OGFOD1: variants seen among roughly 807,000 people sequenced by gnomAD.
The protein encoded by OGFOD1 is 2-oxoglutarate and iron dependent oxygenase domain containing 1.
In OGFOD1, 54 loss-of-function variants were observed where a neutral mutation model predicts 67.7. The observed-to-expected ratio is 0.80, with a 90% CI of 0.64 to 1.00. The LOEUF is 1.00. OGFOD1 is among the 50% of genes least tolerant of loss of function. The probability of loss-of-function intolerance (pLI) is 0.00; values close to 1 mark genes in which losing one functional copy is unlikely to be tolerated. For synonymous variants in OGFOD1, 221 were observed against 227.0 expected (o/e 0.97, Z 0.24); for missense variants, 606 against 646.7 (o/e 0.94, Z 0.68).
At chr16:56,474,986 C>A in intron 11 of OGFOD1, 36 bp downstream of exon 11, 2 of 1,608,096 alleles carry the variant, frequency 1.2e-6, no homozygotes, top group South Asian at 2.2e-5. Flanking sequence ...GATTATTCCC[C>A]GTAGGAGGGG....
chr16:56,470,139 T>C, intron 9 of OGFOD1, 57 bp downstream of exon 9: 1 of 1,454,690 alleles, frequency 6.9e-7, no homozygotes. Flanking sequence ...AACATTTTTT[T>C]ATAACTAGTA....
At chr16:56,465,894 AGAT>A (rs1198307346) in intron 4 of OGFOD1, 17 of 319,364 alleles carry the variant, frequency 5.3e-5, no homozygotes, top group South Asian at 2.8e-4. Flanking sequence ...AAATACTGGA[AGAT>A]GATATGTAAA....
At chr16:56,475,446 G>C in intron 11 of OGFOD1, 61 bp from the exon 12 acceptor site, 1 of 1,461,280 alleles carries the variant, frequency 6.8e-7, no homozygotes, top group Non-Finnish European at 9.6e-7. Flanking sequence ...AGTGATTTAA[G>C]TAGATGGTGC....
rs761399420 is a variant in OGFOD1, at chr16:56,466,942, A to G, written c.632A>G (p.Glu211Gly). The G allele has an allele frequency of 2.5e-6, 4 of 1,613,202 alleles. No homozygotes were observed. Residue 211 changes from glutamate (E) to glycine (G), a missense_variant, in exon 6 of 13, where the codon GAA becomes GGA. Glu to Gly is a moderately conservative substitution (Grantham distance 98). Transcript: ENST00000566157. Reference protein sequence around the residue: ...IPSWNKLVFFEVSPVSFHQVS... With the variant: ...IPSWNKLVFFGVSPVSFHQVS... ...TCGTGGAACAAACTGGTTTTCTTTG[A>G]AGTATCTCCTGTGTCCTTTCACCAG...
chr16:56,474,370 G>C (rs1963354623), intron 10 of OGFOD1, among the ~76,000 whole-genome samples: 2 of 148,862 alleles, frequency 1.3e-5, no homozygotes, highest in Admixed American at 6.7e-5. Flanking sequence ...GCCCAGGCTG[G>C]AGTGTAATGG....
chr16:56,451,557 C>CTGA lies in OGFOD1; in HGVS notation c.-56_-55insTGA. 1.3e-6 allele frequency: 2 copies of CTGA among 1,589,490 alleles called. No homozygotes were observed. Among genetic ancestry groups the CTGA allele is most frequent in the Non-Finnish European group, 8.6e-7 (1 of 1,164,614 alleles). ...AGGGGACATGCCGGGAGTTGCAGTACCCTCAGGAAGGTAGCGTCTTGATCT... is the reference window on the plus strand; with the variant it reads ...AGGGGACATGCCGGGAGTTGCAGTACTGACCTCAGGAAGGTAGCGTCTTGATCT... On this transcript the variant is annotated 5_prime_UTR_variant, in exon 1 of 13. Transcript: ENST00000566157.
chr16:56,460,441 G>A (rs923368002), intron 3 of OGFOD1, among the ~76,000 whole-genome samples: 2 of 152,200 alleles, frequency 1.3e-5, no homozygotes, highest in African/African-American at 4.8e-5. Flanking sequence ...AAGGATTTAA[G>A]ACTATTAGTT....
chr16:56,458,667 C>G, intron 3 of OGFOD1, 73 bp downstream of exon 3: 1 of 1,199,204 alleles, frequency 8.3e-7, no homozygotes, highest in South Asian at 1.2e-5. Flanking sequence ...AATGTTACAA[C>G]ATTGTGTATG....
At chr16:56,474,067 G>A (rs1412067154) in intron 10 of OGFOD1, among the ~76,000 whole-genome samples, 1 of 151,852 alleles carries the variant, frequency 6.6e-6, no homozygotes, top group Non-Finnish European at 1.5e-5. Flanking sequence ...CCTCAGAGGA[G>A]TACTAACCTT....
At chr16:56,469,442 T>A (rs1963048836) in intron 8 of OGFOD1, among the ~76,000 whole-genome samples, 1 of 152,182 alleles carries the variant, frequency 6.6e-6, no homozygotes, top group Non-Finnish European at 1.5e-5. Flanking sequence ...GTAAGGTATA[T>A]AACTACTTAA....
chr16:56,466,304 G>A, intron 5 of OGFOD1, 36 bp downstream of exon 5: 2 of 1,334,268 alleles, frequency 1.5e-6, no homozygotes, highest in Non-Finnish European at 2.2e-6. Context: ...TTCACCACCA[G>A]TGGCACTTCT....
chr16:56,466,614 G>T (rs563548545), intron 5 of OGFOD1, among the ~76,000 whole-genome samples: 1 of 152,254 alleles, frequency 6.6e-6, no homozygotes, highest in South Asian at 2.1e-4. Flanking sequence ...AGGTTTTTTT[G>T]AATGTCTAGC....
At chr16:56,456,560 C>G (rs1962529682) in intron 2 of OGFOD1, among the ~76,000 whole-genome samples, 1 of 152,196 alleles carries the variant, frequency 6.6e-6, no homozygotes, top group African/African-American at 2.4e-5. Context: ...TATATCCAGT[C>G]CATCGTGAAA....
chr16:56,458,204 C>T (rs772417790), intron 2 of OGFOD1: 2 of 274,548 alleles, frequency 7.3e-6, no homozygotes, highest in African/African-American at 2.3e-5. Flanking sequence ...AGGCTTAGCA[C>T]TCCCCATTCT....
rs1963501169 is a variant in OGFOD1, at chr16:56,476,840, CGTG to C, written c.*636_*638del. ...TTCGGTTTTTTTAGAAAAACTCATA[CGTG>C]ATTGCAGCCGGGCATGGTGGCTCAC... On this transcript the variant is annotated 3_prime_UTR_variant, in exon 13 of 13. Transcript: ENST00000566157. 1 of 152,314 alleles carries C rather than the reference CGTG, an allele frequency of 6.6e-6. No homozygotes were observed. Among genetic ancestry groups the C allele is most frequent in the Admixed American group, 6.6e-5 (1 of 15,264 alleles). 9.4% of individuals were successfully genotyped at this position (152,314 alleles called of 1,614,324 possible).
At chr16:56,475,713 C>T in intron 12 of OGFOD1, 148 bp downstream of exon 12, 1 of 694,756 alleles carries the variant, frequency 1.4e-6, no homozygotes, top group Admixed American at 2.6e-5. Context: ...AGAAAATACT[C>T]AGGATGGAAT....
rs969708816 is a variant in OGFOD1, at chr16:56,453,399, G to A, written c.291G>A (p.Lys97=). ...DFHEKYNDLY[K]FQQSDDLKKR... ...ATGAGAAGTATAATGATTTATATAA[G>A]TTCCAGCAGGTATTTATTCCCCTGC... Residue 97 remains lysine, a synonymous_variant, in exon 2 of 13, where the codon AAG becomes AAA. Transcript: ENST00000566157. 6.2e-7 allele frequency: 1 copy of A among 1,609,588 alleles called. No homozygotes were observed. Among genetic ancestry groups the A allele is most frequent in the Non-Finnish European group, 8.5e-7 (1 of 1,178,518 alleles).
At chr16:56,456,605 G>A (rs1474460510) in intron 2 of OGFOD1, among the ~76,000 whole-genome samples, 2 of 152,084 alleles carry the variant, frequency 1.3e-5, no homozygotes, top group Non-Finnish European at 2.9e-5. Context: ...ACAGGCAATC[G>A]CCACATGATA....
At chr16:56,451,529 T>TA, upstream of OGFOD1, 1 of 1,482,916 alleles carries the variant, frequency 6.7e-7, no homozygotes. Flanking sequence ...GGAAACACGA[T>TA]AAAGGGGACA....
Sources: gnomAD v4.1 joint callset for allele counts (sites outside exome capture counted in the v4.1 genomes callset) on GRCh38, gnomAD v4.1.1 for gene constraint, MANE v1.5 for transcripts, NCBI Gene and HGNC (gene_info 2026-07-23, HGNC 2026-07-21) for gene names.